BAZ2B: variants seen among roughly 807,000 people sequenced by gnomAD.
The protein encoded by BAZ2B is bromodomain adjacent to zinc finger domain protein 2B.
BAZ2B carries 91 observed loss-of-function variants against 246.0 expected under a neutral mutation model. That is an observed-to-expected ratio of 0.37 (90% CI 0.31 to 0.44). BAZ2B has a LOEUF of 0.44. Among genes scored for constraint, BAZ2B ranks in the 20% least tolerant of loss-of-function variants. The pLI, the probability that BAZ2B is intolerant of heterozygous loss-of-function variation, is 1.00. For missense variants in BAZ2B, 2,332 were observed against 2,533.7 expected (o/e 0.92, Z 1.71); for synonymous variants, 855 against 860.0 (o/e 0.99, Z 0.10).
the BAZ2B span, among the ~76,000 whole-genome samples, chr2:159,674,852 G>A: frequency 6.6e-6 from 1 of 152,106 alleles, no homozygotes; most frequent in Non-Finnish European, 1.5e-5. Flanking sequence ...TCTGAACACA[G>A]TATTTGAAGT....
intron 3 of BAZ2B, chr2:159,458,521 T>G (rs558451468): frequency 4.0e-5 from 6 of 151,788 alleles, no homozygotes; most frequent in African/African-American, 1.2e-4. Flanking sequence ...GAGACGGGGT[T>G]TCACCGTGTT....
At chr2:159,490,119 C>A (rs2080280003) in intron 2 of BAZ2B, among the ~76,000 whole-genome samples, 1 of 152,008 alleles carries the variant, frequency 6.6e-6, no homozygotes, top group Non-Finnish European at 1.5e-5. Flanking sequence ...TTCATAAATG[C>A]TAGCGTCTAA....
the BAZ2B span, among the ~76,000 whole-genome samples, chr2:159,632,329 G>C: frequency 6.6e-6 from 1 of 152,002 alleles, no homozygotes; most frequent in Non-Finnish European, 1.5e-5. Context: ...CAATGTGCTG[G>C]GCCTGATTCT....
At chr2:159,440,985 A>G (rs1473186912) in intron 6 of BAZ2B, among the ~76,000 whole-genome samples, 1 of 152,162 alleles carries the variant, frequency 6.6e-6, no homozygotes, top group African/African-American at 2.4e-5. Context: ...ACACAATGAG[A>G]AAGATCACAA....
chr2:159,686,024 G>A, the BAZ2B span, among the ~76,000 whole-genome samples: 2 of 152,216 alleles, frequency 1.3e-5, no homozygotes, highest in Admixed American at 6.5e-5. Flanking sequence ...TGCTTTGGGA[G>A]GCTGAGGCAG....
chr2:159,331,709 C>T (rs992231545), intron 34 of BAZ2B, among the ~76,000 whole-genome samples: 4 of 152,134 alleles, frequency 2.6e-5, no homozygotes, highest in South Asian at 2.1e-4. Flanking sequence ...CTGAGTATTA[C>T]ACAGCTATAT....
the BAZ2B span, chr2:159,689,768 T>C: frequency 2.6e-5 from 13 of 506,086 alleles, no homozygotes; most frequent in Non-Finnish European, 4.3e-5. Context: ...AATCAATTTA[T>C]TGACCACTTC....
At chr2:159,397,503 T>C (rs2064213810) in intron 18 of BAZ2B, 114 bp from the exon 19 acceptor site, 1 of 551,968 alleles carries the variant, frequency 1.8e-6, no homozygotes, top group South Asian at 3.7e-5. Context: ...TTGAACCATA[T>C]GAAATGGCCA....
In BAZ2B at chr2:159,450,488, T is replaced by C. The variant is rs116439109; in HGVS notation, c.335-2079A>G. 3.8e-3 allele frequency among the ~76,000 whole-genome samples: 584 copies of C among 151,756 alleles called. 2 individuals carry two copies. Among genetic ancestry groups the C allele is most frequent in the African/African-American group, 0.013 (544 of 41,362 alleles). On this transcript the variant is annotated intron_variant, in intron 4 of 36. Transcript: ENST00000392783. The stretch of plus-strand genomic sequence containing the variant: ...CAGAAGAAAATACAAAACAATAAGA[T>C]CAGTTAAATAAAAAGATGTGAATGG...
At chr2:159,369,330 A>G (rs1243475496) in intron 27 of BAZ2B, among the ~76,000 whole-genome samples, 1 of 152,234 alleles carries the variant, frequency 6.6e-6, no homozygotes, top group Non-Finnish European at 1.5e-5. Context: ...CATTAACAGA[A>G]CAGCATAAAG....
At chr2:159,317,324 A>G (rs1245430944), downstream of BAZ2B, among the ~76,000 whole-genome samples, 1 of 152,248 alleles carries the variant, frequency 6.6e-6, no homozygotes, top group South Asian at 2.1e-4. Flanking sequence ...CTAAAGACAG[A>G]TTAGATCCTT....
chr2:159,597,702 C>T (rs575630197), intron 1 of BAZ2B, among the ~76,000 whole-genome samples: 3 of 152,100 alleles, frequency 2.0e-5, no homozygotes, highest in African/African-American at 7.2e-5. Flanking sequence ...GTGATCTGCC[C>T]GCCTTGGCCT....
At chr2:159,563,221 T>C (rs929334728) in intron 1 of BAZ2B, among the ~76,000 whole-genome samples, 9 of 152,170 alleles carry the variant, frequency 5.9e-5, no homozygotes, top group Non-Finnish European at 8.8e-5. Context: ...TCCTAGAACA[T>C]AGAATAATTT....
chr2:159,457,092 T>TA (rs2075868739), intron 3 of BAZ2B, among the ~76,000 whole-genome samples: 2 of 152,192 alleles, frequency 1.3e-5, no homozygotes, highest in Admixed American at 6.5e-5. Context: ...TAATTCCATG[T>TA]AAAAATCTTA....
At chr2:159,577,527 G>A (rs1346736395) in intron 1 of BAZ2B, among the ~76,000 whole-genome samples, 1 of 152,078 alleles carries the variant, frequency 6.6e-6, no homozygotes, top group Middle Eastern at 3.2e-3. Flanking sequence ...ACTAAAAGAG[G>A]ATACCAGTTC....
At chr2:159,634,311 C>G in the BAZ2B span, among the ~76,000 whole-genome samples, 2 of 152,110 alleles carry the variant, frequency 1.3e-5, no homozygotes, top group African/African-American at 2.4e-5. Context: ...AATCACAAGC[C>G]AATTTTTAAA....
At chr2:159,537,786 C>T (rs1454763136) in intron 2 of BAZ2B, among the ~76,000 whole-genome samples, 2 of 152,094 alleles carry the variant, frequency 1.3e-5, no homozygotes, top group Non-Finnish European at 2.9e-5. Context: ...TCTCCTGTTT[C>T]TTTGCTTATG....
the BAZ2B span, among the ~76,000 whole-genome samples, chr2:159,684,656 A>G: frequency 6.6e-6 from 1 of 152,192 alleles, no homozygotes; most frequent in Non-Finnish European, 1.5e-5. Context: ...ATCAGACCAT[A>G]CACTGTAACT....
At chr2:159,588,516 T>TAC (rs145811801) in intron 1 of BAZ2B, among the ~76,000 whole-genome samples, 11 of 151,760 alleles carry the variant, frequency 7.2e-5, no homozygotes, top group South Asian at 6.2e-4. Flanking sequence ...GAGTAAGATC[T>TAC]ACACACACAC....
Sources: gnomAD v4.1 joint callset for allele counts (sites outside exome capture counted in the v4.1 genomes callset) on GRCh38, gnomAD v4.1.1 for gene constraint, MANE v1.5 for transcripts, NCBI Gene and HGNC (gene_info 2026-07-23, HGNC 2026-07-21) for gene names.